The following PLEKHA6 variants were observed in gnomAD, a reference collection of about 807,000 sequenced individuals.
The protein encoded by PLEKHA6 is pleckstrin homology domain-containing family A member 6.
Under a neutral mutation model 116.7 loss-of-function variants are expected in PLEKHA6, and 60 were observed. The ratio of observed to expected loss-of-function variants is 0.51; its 90% CI spans 0.42 to 0.64. The LOEUF (loss-of-function observed/expected upper bound fraction) is 0.64. Ranked by LOEUF, PLEKHA6 falls within the 30% of genes least tolerant of loss-of-function variation. The pLI is 0.00. For missense variants in PLEKHA6, 1,338 were observed against 1,422.7 expected, an observed-to-expected ratio of 0.94 and a Z score of 0.96; for synonymous variants, 489 against 556.1, an observed-to-expected ratio of 0.88 and a Z score of 1.70.
rs1253237395 is a variant in PLEKHA6 at position 204,261,530 on chromosome 1, G to A, written c.382-82C>T. ...TCACCTGTTGGGAGAAGACACCAAC[G>A]CCCACAGAATGGGCAGTCAGTTGGG... On this transcript the variant is annotated intron_variant, in intron 6 of 22. Coordinates refer to ENST00000272203, the MANE Select transcript of PLEKHA6 (RefSeq NM_014935.5). This position sits in a 1 kb window ranked among gnomAD's most constrained non-coding sequence, Gnocchi z 4.0. 13 of 1,448,436 alleles carry A rather than the reference G, an allele frequency of 9.0e-6. No homozygotes were observed. Among genetic ancestry groups the A allele is most frequent in the Non-Finnish European group, 1.2e-5 (13 of 1,072,896 alleles). The allele number at this position is 1,448,436 out of a possible 1,614,324, so 89.7% of individuals were successfully genotyped here.
At position 204,267,566 on chromosome 1, in the gene PLEKHA6, G is replaced by A; in HGVS notation, c.208-19C>T. 1.2e-6 allele frequency: 2 copies of A among 1,609,736 alleles called. No homozygotes were observed. Among genetic ancestry groups the A allele is most frequent in the South Asian group, 1.1e-5 (1 of 90,988 alleles). On this transcript the variant is annotated intron_variant, in intron 4 of 22. Coordinates refer to ENST00000272203, the MANE Select transcript of PLEKHA6 (RefSeq NM_014935.5). Reference sequence around the variant, plus strand: ...AGCTGGCCTGCGGGACATGGGAGAGGCAGATGTGAGGGCTGCAAGCTGGAC... The same window carrying A: ...AGCTGGCCTGCGGGACATGGGAGAGACAGATGTGAGGGCTGCAAGCTGGAC...
chr1:204,269,582 C>G (rs1667238135), intron 3 of PLEKHA6, among the ~76,000 whole-genome samples: 1 of 151,778 alleles, frequency 6.6e-6, no homozygotes, highest in Non-Finnish European at 1.5e-5. Context: ...CCTCCCCTGC[C>G]TCTGTCCTCC....
At chr1:204,304,164 C>T (rs546122751) in intron 1 of PLEKHA6, among the ~76,000 whole-genome samples, 1 of 152,294 alleles carries the variant, frequency 6.6e-6, no homozygotes. Flanking sequence ...TGCTCTTTTC[C>T]AAAGATAGAA....
intron 1 of PLEKHA6, among the ~76,000 whole-genome samples, chr1:204,350,929 G>C (rs747782655): frequency 3.5e-4 from 54 of 152,220 alleles, no homozygotes; most frequent in Non-Finnish European, 6.0e-4. Context: ...GGAGAGGGCT[G>C]TGCTGGGGGC....
chr1:204,341,985 A>G (rs1672863269), intron 1 of PLEKHA6, among the ~76,000 whole-genome samples: 1 of 152,020 alleles, frequency 6.6e-6, no homozygotes, highest in South Asian at 2.1e-4. Context: ...TCAGGAATCA[A>G]GAGCAGGCTG....
At chr1:204,337,608 T>C (rs561759505) in intron 1 of PLEKHA6, among the ~76,000 whole-genome samples, 26 of 152,264 alleles carry the variant, frequency 1.7e-4, no homozygotes, top group Non-Finnish European at 3.2e-4. Flanking sequence ...AAGCAATTAA[T>C]GTGGAAGGGT....
chr1:204,247,430 G>A lies in PLEKHA6; in HGVS notation c.1855C>T (p.His619Tyr). Residue 619 changes from histidine to tyrosine, a missense_variant, in exon 13 of 23, where the codon CAC becomes TAC. By Grantham distance (83) the His-to-Tyr change is moderately conservative. Around this residue, in one of 3 missense-constraint regions of PLEKHA6, gnomAD observed 1,136 missense variants for 1,163.6 expected, o/e 0.98. Transcript: ENST00000272203. The stretch of plus-strand genomic sequence containing the variant: ...AGGGCAGAGACCTCAGACTCGAGGT[G>A]CTCATACTCTATGGTGCTGTTTGTC... ...ALTNSTIEYE[H>Y]LESEVSALHD... The A allele has an allele frequency of 6.2e-7, 1 of 1,613,004 alleles. No individual in the cohort carries two copies. Among genetic ancestry groups the A allele is most frequent in the South Asian group, 1.1e-5 (1 of 91,062 alleles).
intron 2 of PLEKHA6, among the ~76,000 whole-genome samples, chr1:204,371,053 C>CAAAAAAAAAAAAAAAAAAAAAAAAAAA (rs34493461): frequency 8.8e-5 from 6 of 68,484 alleles, no homozygotes; most frequent in African/African-American, 3.0e-4. Context: ...GACTCTGCCT[C>CAAAAAAAAAAAAAAAAAAAAAAAAAAA]AAAAAAAAAA....
chr1:204,241,490 A>C lies in PLEKHA6; in HGVS notation c.2303-9T>G, dbSNP rs918955679. ...AGGGGGCACAACGCCAACTGCAGAA[A>C]GACAGAGTAGCCAGTGGGCCTCATG... On this transcript the variant is annotated splice_polypyrimidine_tract_variant and intron_variant, in intron 16 of 22. Coordinates refer to ENST00000272203, the MANE Select transcript of PLEKHA6 (RefSeq NM_014935.5). 1 of 1,577,186 alleles carries C rather than the reference A, an allele frequency of 6.3e-7. No individual in the cohort carries two copies. Among genetic ancestry groups the C allele is most frequent in the African/African-American group, 1.3e-5 (1 of 74,358 alleles).
At chr1:204,312,253 T>C (rs1318859118) in intron 1 of PLEKHA6, among the ~76,000 whole-genome samples, 1 of 152,224 alleles carries the variant, frequency 6.6e-6, no homozygotes, top group East Asian at 1.9e-4. Flanking sequence ...CCCTGAAATG[T>C]GCAGAAATGC....
At chr1:204,332,220 C>T (rs561647978) in intron 1 of PLEKHA6, among the ~76,000 whole-genome samples, 1 of 152,296 alleles carries the variant, frequency 6.6e-6, no homozygotes, top group Non-Finnish European at 1.5e-5. Context: ...TATTCATGCC[C>T]ACGCTGGGAA....
intron 13 of PLEKHA6, among the ~76,000 whole-genome samples, chr1:204,247,142 GA>G (rs969438572): frequency 3.9e-4 from 59 of 151,720 alleles, no homozygotes; most frequent in African/African-American, 1.4e-3. Flanking sequence ...ATCCCAAGAG[GA>G]AAAAAAATCC....
intron 21 of PLEKHA6, among the ~76,000 whole-genome samples, chr1:204,225,784 T>G (rs1242738793): frequency 1.3e-5 from 2 of 152,180 alleles, no homozygotes; most frequent in Non-Finnish European, 2.9e-5. Context: ...TTCCTACATT[T>G]GTACTCAAAC....
chr1:204,324,870 C>G (rs545604364), intron 1 of PLEKHA6, among the ~76,000 whole-genome samples: 29 of 152,212 alleles, frequency 1.9e-4, no homozygotes, highest in Non-Finnish European at 3.7e-4. Context: ...TCACATGATG[C>G]CTGAGTTACT....
At chr1:204,364,814 C>T (rs924103214), upstream of PLEKHA6, among the ~76,000 whole-genome samples, 1 of 152,216 alleles carries the variant, frequency 6.6e-6, no homozygotes, top group Non-Finnish European at 1.5e-5. Context: ...ATTCTAGACC[C>T]TCTGAATCCG....
intron 1 of PLEKHA6, among the ~76,000 whole-genome samples, chr1:204,347,554 A>C (rs953741824): frequency 6.6e-6 from 1 of 151,754 alleles, no homozygotes; most frequent in African/African-American, 2.4e-5. Flanking sequence ...TAAAGTAAAG[A>C]CAGGCATAGG....
chr1:204,223,501 C>T lies in PLEKHA6; in HGVS notation c.3116G>A (p.Gly1039Asp), dbSNP rs1282276889. 6.5e-7 allele frequency: 1 copy of T among 1,550,146 alleles called. No individual in the cohort carries two copies. The highest frequency in any genetic ancestry group is 8.7e-7 in the Non-Finnish European group (1 of 1,145,730). The change falls in exon 22 of 23, where the codon GGC (glycine) becomes GAC (aspartate). Residue 1039 changes from glycine (G) to aspartate (D), a missense_variant. Transcript: ENST00000272203. The surrounding 1 kb of genome is among the most constrained non-coding windows in gnomAD (Gnocchi z 4.8). ...ANPLSSESPR[G>D]ADSSYTMRV Reference sequence around the variant, plus strand: ...CCGCATGGTATAGCTGCTGTCGGCGCCCCGTGGGGATTCAGACGACAGGGG... The same window carrying T: ...CCGCATGGTATAGCTGCTGTCGGCGTCCCGTGGGGATTCAGACGACAGGGG...
chr1:204,240,871 G>C (rs1264172571), intron 17 of PLEKHA6, among the ~76,000 whole-genome samples: 2 of 152,280 alleles, frequency 1.3e-5, no homozygotes, highest in East Asian at 3.9e-4. Context: ...CCCTTAATCT[G>C]GTGGGCACAA....
intron 3 of PLEKHA6, among the ~76,000 whole-genome samples, chr1:204,272,121 C>T (rs987676855): frequency 1.3e-5 from 2 of 152,152 alleles, no homozygotes; most frequent in Non-Finnish European, 2.9e-5. Context: ...GATGCTTCCC[C>T]GCCCACCCCA....
Sources: gnomAD v4.1 joint callset for allele counts (sites outside exome capture counted in the v4.1 genomes callset) on GRCh38, gnomAD v4.1.1 for gene constraint, gnomAD v4.1.1 regional missense constraint, Gnocchi (gnomAD v3.1) non-coding constraint, MANE v1.5 for transcripts, NCBI Gene and HGNC (gene_info 2026-07-23, HGNC 2026-07-21) for gene names.